Variants in SSBP2 observed in about 807,000 individuals in gnomAD.
The protein encoded by SSBP2 is single-stranded DNA-binding protein 2.
In SSBP2, 17 loss-of-function variants were observed where a neutral mutation model predicts 61.8. The ratio of observed to expected loss-of-function variants is 0.28; its 90% CI spans 0.19 to 0.41. The LOEUF (loss-of-function observed/expected upper bound fraction) is 0.41, where lower values mean the gene tolerates loss of function less well. Ranked by LOEUF, SSBP2 falls within the 10% of genes least tolerant of loss-of-function variation. The probability of loss-of-function intolerance (pLI) is 1.00; values close to 1 mark genes in which losing one functional copy is unlikely to be tolerated. For synonymous variants in SSBP2, 139 were observed against 141.3 expected (o/e 0.98, Z 0.12); for missense variants, 310 against 458.7 (o/e 0.68, Z 2.96).
chr5:81,607,686 G>A (rs1317750823), intron 4 of SSBP2, among the ~76,000 whole-genome samples: 1 of 152,044 alleles, frequency 6.6e-6, no homozygotes, highest in Non-Finnish European at 1.5e-5. Context: ...GAATCCAGTT[G>A]TCCCCCTTAT....
intron 5 of SSBP2, 47 bp from the exon 6 acceptor site, chr5:81,489,356 T>C (rs745419567): frequency 1.4e-6 from 2 of 1,466,524 alleles, no homozygotes; most frequent in South Asian, 1.3e-5. Context: ...AACAGTACAA[T>C]GTAAAATACA....
chr5:81,419,256 G>C lies in SSBP2; in HGVS notation c.*1248C>G, dbSNP rs951962902. 1 of 152,178 alleles carries C rather than the reference G, an allele frequency of 6.6e-6. No individual in the cohort carries two copies. The highest frequency in any genetic ancestry group is 1.5e-5 in the Non-Finnish European group (1 of 68,028). 9.4% of individuals were successfully genotyped at this position (152,178 alleles called of 1,614,324 possible). ...AAAGCAAAGTTACTATCAATGATTT[G>C]CTCCTGAATAAAAGCCTTATATTCC... On this transcript the variant is annotated 3_prime_UTR_variant, in exon 17 of 17. Transcript: ENST00000320672.
At chr5:81,632,588 G>C (rs1374394125) in intron 3 of SSBP2, among the ~76,000 whole-genome samples, 1 of 152,144 alleles carries the variant, frequency 6.6e-6, no homozygotes, top group African/African-American at 2.4e-5. Flanking sequence ...CAAGGGTAGA[G>C]ATGGTCCTCT....
At chr5:81,592,276 G>A (rs998530057) in intron 4 of SSBP2, among the ~76,000 whole-genome samples, 52 of 152,222 alleles carry the variant, frequency 3.4e-4, no homozygotes, top group African/African-American at 1.1e-3. Context: ...AGGCAGCAGC[G>A]AGGATGGGGG....
At chr5:81,483,492 T>C (rs1766150011) in intron 6 of SSBP2, among the ~76,000 whole-genome samples, 1 of 152,120 alleles carries the variant, frequency 6.6e-6, no homozygotes, top group Non-Finnish European at 1.5e-5. Flanking sequence ...CATAATGATA[T>C]AATTAAATAT....
intron 1 of SSBP2, among the ~76,000 whole-genome samples, chr5:81,722,824 G>A (rs1190681034): frequency 6.6e-6 from 1 of 151,808 alleles, no homozygotes; most frequent in Non-Finnish European, 1.5e-5. Context: ...TCAGAGAATG[G>A]ACAAAACTGT....
At chr5:81,437,747 C>T in intron 14 of SSBP2, 1 of 215,234 alleles carries the variant, frequency 4.6e-6, no homozygotes, top group Non-Finnish European at 9.2e-6. Context: ...TTTAGAAAGA[C>T]CATTTTATAT....
At chr5:81,478,370 T>A (rs990138358) in intron 6 of SSBP2, among the ~76,000 whole-genome samples, 1 of 152,004 alleles carries the variant, frequency 6.6e-6, no homozygotes, top group Admixed American at 6.6e-5. Context: ...ATACAGAGTC[T>A]TACTCTATCA....
intron 3 of SSBP2, among the ~76,000 whole-genome samples, chr5:81,634,858 A>G (rs1748055067): frequency 6.6e-6 from 1 of 152,226 alleles, no homozygotes; most frequent in African/African-American, 2.4e-5. Flanking sequence ...GCCTTGGCTT[A>G]GATATCAGCT....
At chr5:81,738,512 T>C (rs1311607755) in intron 1 of SSBP2, among the ~76,000 whole-genome samples, 1 of 152,276 alleles carries the variant, frequency 6.6e-6, no homozygotes, top group East Asian at 1.9e-4. Context: ...CCTCCCAAAC[T>C]TCTCCATCGC....
At chr5:81,731,626 C>G (rs1169997194) in intron 1 of SSBP2, among the ~76,000 whole-genome samples, 2 of 152,014 alleles carry the variant, frequency 1.3e-5, no homozygotes, top group East Asian at 3.8e-4. Context: ...TTCCAGGTTT[C>G]AACACATCTA....
chr5:81,650,238 A>C (rs1377388379), intron 2 of SSBP2, 29 bp downstream of exon 2: 3 of 1,448,540 alleles, frequency 2.1e-6, no homozygotes, highest in Non-Finnish European at 1.9e-6. Context: ...TAAGATCAAA[A>C]TGCAATACAG....
intron 16 of SSBP2, among the ~76,000 whole-genome samples, chr5:81,425,395 G>A (rs765545661): frequency 6.6e-6 from 1 of 152,174 alleles, no homozygotes; most frequent in Non-Finnish European, 1.5e-5. Flanking sequence ...TGGGGCTGAT[G>A]TGATTTCTTT....
intron 1 of SSBP2, among the ~76,000 whole-genome samples, chr5:81,691,206 A>T (rs934321186): frequency 6.6e-6 from 1 of 152,134 alleles, no homozygotes; most frequent in Non-Finnish European, 1.5e-5. Context: ...GTAGAAGGAA[A>T]GAAATAATAA....
intron 1 of SSBP2, among the ~76,000 whole-genome samples, chr5:81,749,570 A>AC (rs1219928335): frequency 6.6e-6 from 1 of 151,828 alleles, no homozygotes; most frequent in Non-Finnish European, 1.5e-5. Flanking sequence ...TCTGGTCTGA[A>AC]CCCCCTCAGA....
intron 1 of SSBP2, among the ~76,000 whole-genome samples, chr5:81,667,582 T>C (rs756215415): frequency 6.6e-6 from 1 of 152,032 alleles, no homozygotes; most frequent in Non-Finnish European, 1.5e-5. Flanking sequence ...CATGTAACTA[T>C]AGCCAGACTA....
rs148703037 is a variant in SSBP2 at position 81,649,969 on chromosome 5, A to T, written c.135+298T>A. On this transcript the variant is annotated intron_variant, in intron 2 of 16. Transcript: ENST00000320672. ...TGGTTGAGGGTTTATAACTCTCACA[A>T]ATTTTTTAGAGTAAATTTTTAAAAT... Among the ~76,000 whole-genome samples, 100 of 152,202 alleles carry T rather than the reference A, an allele frequency of 6.6e-4. 2 individuals are homozygous for T. In the East Asian group the frequency reaches 0.017, roughly 26 times the overall value.
At chr5:81,514,370 T>C (rs972611712) in intron 4 of SSBP2, among the ~76,000 whole-genome samples, 1 of 152,108 alleles carries the variant, frequency 6.6e-6, no homozygotes, top group African/African-American at 2.4e-5. Context: ...ATTCAAAGTC[T>C]ACTTCACTTG....
At chr5:81,537,315 C>G (rs925474424) in intron 4 of SSBP2, among the ~76,000 whole-genome samples, 16 of 152,082 alleles carry the variant, frequency 1.1e-4, no homozygotes, top group African/African-American at 3.1e-4. Flanking sequence ...GGACTGAAGA[C>G]AATGCTGATG....
Sources: allele counts gnomAD v4.1 joint callset (sites outside exome capture counted in the v4.1 genomes callset), GRCh38; gene constraint gnomAD v4.1.1; transcripts MANE v1.5; gene names NCBI Gene and HGNC (gene_info 2026-07-23, HGNC 2026-07-21).